Variants in PRKCH observed in about 807,000 individuals in gnomAD.
PRKCH encodes protein kinase C eta, also known as protein kinase C eta type.
Under a neutral mutation model 82.5 loss-of-function variants are expected in PRKCH, and 28 were observed. That is an observed-to-expected ratio of 0.34 (90% CI 0.25 to 0.47). The LOEUF (loss-of-function observed/expected upper bound fraction) is 0.47, where lower values mean the gene tolerates loss of function less well. PRKCH is among the 20% of genes least tolerant of loss of function. The probability of loss-of-function intolerance (pLI) is 1.00; values close to 1 mark genes in which losing one functional copy is unlikely to be tolerated. For missense variants in PRKCH, 705 were observed against 881.8 expected (o/e 0.80, Z 2.54); for synonymous variants, 322 against 327.4 (o/e 0.98, Z 0.18).
intron 1 of PRKCH, among the ~76,000 whole-genome samples, chr14:61,376,032 A>G (rs1382977328): frequency 6.6e-6 from 1 of 151,908 alleles, no homozygotes; most frequent in African/African-American, 2.4e-5. Flanking sequence ...AAAAAAAAAA[A>G]AAGCTCATAA....
At chr14:61,198,966 C>T (rs1373162019) in intron 1 of PRKCH, among the ~76,000 whole-genome samples, 3 of 152,114 alleles carry the variant, frequency 2.0e-5, no homozygotes, top group Non-Finnish European at 4.4e-5. Context: ...GACCTACCCC[C>T]TTAAGCTTGC....
intron 10 of PRKCH, among the ~76,000 whole-genome samples, chr14:61,505,666 C>T (rs1157208370): frequency 1.3e-5 from 2 of 152,020 alleles, no homozygotes; most frequent in African/African-American, 4.8e-5. Context: ...TGAGCCACCA[C>T]GCCCAGCCGG....
intron 1 of PRKCH, among the ~76,000 whole-genome samples, chr14:61,216,067 G>C (rs993647072): frequency 6.6e-6 from 1 of 152,106 alleles, no homozygotes; most frequent in African/African-American, 2.4e-5. Context: ...GTGTGGCTTG[G>C]GGTTTGCAGC....
At chr14:61,383,407 G>T (rs997603872) in intron 1 of PRKCH, among the ~76,000 whole-genome samples, 4 of 152,094 alleles carry the variant, frequency 2.6e-5, no homozygotes, top group African/African-American at 9.7e-5. Context: ...CTGGAATGGA[G>T]GTTACAGACT....
intron 1 of PRKCH, among the ~76,000 whole-genome samples, chr14:61,351,513 G>A (rs536885251): frequency 2.0e-5 from 3 of 152,304 alleles, no homozygotes; most frequent in African/African-American, 4.8e-5. Flanking sequence ...AGATTTGGAT[G>A]CATGTGTACA....
chr14:61,339,456 TG>T (rs1594926940), intron 1 of PRKCH, among the ~76,000 whole-genome samples: 1 of 150,442 alleles, frequency 6.6e-6, no homozygotes, highest in South Asian at 2.1e-4. Flanking sequence ...CCCGAGTAGC[TG>T]GGACTACAGG....
At chr14:61,361,663 G>A (rs2046226852) in intron 1 of PRKCH, among the ~76,000 whole-genome samples, 1 of 152,136 alleles carries the variant, frequency 6.6e-6, no homozygotes, top group Non-Finnish European at 1.5e-5. Flanking sequence ...CTGACGCTTG[G>A]ACAAATTGTT....
At chr14:61,421,443 T>C (rs1361987216) in intron 2 of PRKCH, among the ~76,000 whole-genome samples, 2 of 152,182 alleles carry the variant, frequency 1.3e-5, no homozygotes, top group African/African-American at 2.4e-5. Flanking sequence ...GGCTCTCTCT[T>C]GGCCTTATCT....
At chr14:61,411,487 A>G (rs1882267969) in intron 2 of PRKCH, among the ~76,000 whole-genome samples, 1 of 152,210 alleles carries the variant, frequency 6.6e-6, no homozygotes, top group Non-Finnish European at 1.5e-5. Flanking sequence ...CATGTGAAAA[A>G]CAAAATATGG....
intron 2 of PRKCH, among the ~76,000 whole-genome samples, chr14:61,399,957 A>G (rs1230986488): frequency 6.6e-6 from 1 of 152,238 alleles, no homozygotes; most frequent in African/African-American, 2.4e-5. Flanking sequence ...GACATTTAAT[A>G]TGTAACTTGG....
intron 1 of PRKCH, among the ~76,000 whole-genome samples, chr14:61,240,205 CAAGAAAG>C (rs1315701076): frequency 3.3e-5 from 5 of 152,088 alleles, no homozygotes; most frequent in Non-Finnish European, 5.9e-5. Context: ...GTTTAATAGG[CAAGAAAG>C]AAGAAAGAAG....
chr14:61,330,309 A>AG (rs1566823573), intron 1 of PRKCH, among the ~76,000 whole-genome samples: 1 of 152,204 alleles, frequency 6.6e-6, no homozygotes, highest in African/African-American at 2.4e-5. Flanking sequence ...AAAGAAGAAA[A>AG]GGAACTTCTG....
chr14:61,227,464 A>G (rs772411110), intron 1 of PRKCH, among the ~76,000 whole-genome samples: 43 of 152,150 alleles, frequency 2.8e-4, no homozygotes, highest in Non-Finnish European at 5.0e-4. Context: ...CGTGGTGGCG[A>G]GCGCCCGTAG....
At chr14:61,291,453 C>G (rs763292635) in intron 1 of PRKCH, among the ~76,000 whole-genome samples, 1 of 151,982 alleles carries the variant, frequency 6.6e-6, no homozygotes, top group Non-Finnish European at 1.5e-5. Flanking sequence ...CCTCAGCCCC[C>G]CAAGTAGCTG....
intron 1 of PRKCH, among the ~76,000 whole-genome samples, chr14:61,275,854 C>T (rs1027227478): frequency 2.3e-4 from 35 of 152,144 alleles, no homozygotes; most frequent in African/African-American, 8.4e-4. Context: ...TACATGAACT[C>T]GGACAGCAAA....
intron 1 of PRKCH, among the ~76,000 whole-genome samples, chr14:61,350,840 A>G (rs988494678): frequency 1.3e-4 from 20 of 152,204 alleles, no homozygotes; most frequent in African/African-American, 4.3e-4. Context: ...TAGATCTTAC[A>G]GTGCTCAGAG....
At chr14:61,503,066 G>A (rs895620906) in intron 10 of PRKCH, among the ~76,000 whole-genome samples, 12 of 150,260 alleles carry the variant, frequency 8.0e-5, no homozygotes, top group South Asian at 4.2e-4. Context: ...ATACTGTGGC[G>A]GTGAAATCAA....
At chr14:61,285,574 CT>C (rs1476957017) in intron 1 of PRKCH, among the ~76,000 whole-genome samples, 1 of 152,176 alleles carries the variant, frequency 6.6e-6, no homozygotes, top group African/African-American at 2.4e-5. Flanking sequence ...TAATAGCTAA[CT>C]TTTATTGAGT....
intron 9 of PRKCH, among the ~76,000 whole-genome samples, chr14:61,483,779 A>G (rs112389009): frequency 0.012 from 1,807 of 152,278 alleles, 32 homozygotes; most frequent in African/African-American, 0.041. Flanking sequence ...TGGGTGTGGT[A>G]GCTCATGCCT....
Sources: gnomAD v4.1 joint callset for allele counts (sites outside exome capture counted in the v4.1 genomes callset) on GRCh38, gnomAD v4.1.1 for gene constraint, MANE v1.5 for transcripts, NCBI Gene and HGNC (gene_info 2026-07-23, HGNC 2026-07-21) for gene names.